Variants in C20orf96 observed in about 807,000 individuals in gnomAD.
C20orf96 encodes chromosome 20 open reading frame 96, also known as uncharacterized protein C20orf96.
In C20orf96, 57 loss-of-function variants were observed where a neutral mutation model predicts 52.6. That is an observed-to-expected ratio of 1.08 (90% CI 0.88 to 1.35). The LOEUF is 1.35. C20orf96 is among the 40% of genes most tolerant of loss of function. C20orf96 has a pLI of 0.00. For missense variants in C20orf96, 478 were observed against 443.6 expected, an observed-to-expected ratio of 1.08 and a Z score of -0.70; for synonymous variants, 168 against 157.2, an observed-to-expected ratio of 1.07 and a Z score of -0.51.
intron 10 of C20orf96, 41 bp downstream of exon 10, chr20:275,927 G>A: frequency 2.6e-6 from 4 of 1,563,598 alleles, no homozygotes; most frequent in Non-Finnish European, 3.5e-6. Flanking sequence ...TGAGCTCAGA[G>A]TGTGACTGGT....
At chr20:285,979 A>T (rs1455085300) in intron 3 of C20orf96, among the ~76,000 whole-genome samples, 1 of 152,234 alleles carries the variant, frequency 6.6e-6, no homozygotes, top group African/African-American at 2.4e-5. Context: ...ATGAAAATGA[A>T]TACGTTAAAA....
chr20:276,696 C>A, intron 9 of C20orf96, 97 bp downstream of exon 9: 2 of 1,532,932 alleles, frequency 1.3e-6, no homozygotes, highest in South Asian at 1.2e-5. Context: ...ACCTCCTGAG[C>A]GCCAGATCAG....
chr20:284,365 T>C (rs1427479119), intron 3 of C20orf96, among the ~76,000 whole-genome samples: 1 of 152,216 alleles, frequency 6.6e-6, no homozygotes, highest in Non-Finnish European at 1.5e-5. Context: ...CGCTCTCAAA[T>C]GTCCAGTCAG....
At chr20:285,773 G>A (rs986299385) in intron 3 of C20orf96, among the ~76,000 whole-genome samples, 13 of 152,204 alleles carry the variant, frequency 8.5e-5, no homozygotes, top group Admixed American at 3.9e-4. Flanking sequence ...GTAGAGATGC[G>A]GTTTTGCCAT....
intron 10 of C20orf96, among the ~76,000 whole-genome samples, 176 bp from the exon 11 acceptor site, chr20:271,443 TACACAC>T (rs71191933): frequency 0.032 from 4,368 of 134,590 alleles, 125 homozygotes; most frequent in African/African-American, 0.077. Context: ...TACACAAGCA[TACACAC>T]ACACACACAC....
chr20:290,455 G>A (rs2012511663), intron 1 of C20orf96, 136 bp downstream of exon 1: 2 of 1,532,896 alleles, frequency 1.3e-6, no homozygotes, highest in Non-Finnish European at 8.8e-7. Flanking sequence ...GGGCCAAGGA[G>A]ATGTGGGCGG....
intron 4 of C20orf96, 58 bp from the exon 5 acceptor site, chr20:279,388 C>A (rs925277193): frequency 1.9e-6 from 3 of 1,547,062 alleles, no homozygotes; most frequent in African/African-American, 1.4e-5. Flanking sequence ...CCTGAGCCCC[C>A]GAAAGCCCGT....
chr20:289,787 C>T (rs6035784), intron 2 of C20orf96, 111 bp from the exon 3 acceptor site: 469,721 of 792,542 alleles, frequency 0.59, 142,726 homozygotes, highest in African/African-American at 0.86. Flanking sequence ...GAGCCTCAAT[C>T]TTCTCATCTG....
intron 4 of C20orf96, 64 bp from the exon 5 acceptor site, chr20:279,394 C>T (rs935419711): frequency 4.0e-6 from 6 of 1,504,058 alleles, no homozygotes; most frequent in Non-Finnish European, 3.5e-6. Flanking sequence ...CCCCCGAAAG[C>T]CCGTGGACCC....
chr20:287,208 AG>A (rs2012409494), intron 3 of C20orf96, among the ~76,000 whole-genome samples: 1 of 152,228 alleles, frequency 6.6e-6, no homozygotes, highest in African/African-American at 2.4e-5. Context: ...TCGGATTACT[AG>A]GAAGTGCATG....
chr20:273,860 G>A (rs2011916118), intron 10 of C20orf96, among the ~76,000 whole-genome samples: 1 of 124,330 alleles, frequency 8.0e-6, no homozygotes, highest in Non-Finnish European at 1.6e-5. Context: ...CTGGGAGACA[G>A]AGCTAGACTC....
intron 4 of C20orf96, 36 bp from the exon 5 acceptor site, chr20:279,366 C>G (rs775078795): frequency 1.3e-6 from 2 of 1,585,510 alleles, no homozygotes; most frequent in East Asian, 4.6e-5. Flanking sequence ...GGCGGCGCTG[C>G]GCCCTGCCCG....
At chr20:289,709 T>C (rs1171323273) in intron 2 of C20orf96, 33 bp from the exon 3 acceptor site, 2 of 1,522,692 alleles carry the variant, frequency 1.3e-6, no homozygotes, top group Non-Finnish European at 1.8e-6. Flanking sequence ...CATAGCACCA[T>C]GAGTTTATAT....
chr20:274,792 T>C (rs1270045556), intron 10 of C20orf96, among the ~76,000 whole-genome samples: 5 of 151,352 alleles, frequency 3.3e-5, no homozygotes, highest in South Asian at 2.1e-4. Context: ...GTCCTAACAG[T>C]TGCTTTCTTT....
At chr20:288,174 CTTTTT>C (rs1237648367) in intron 3 of C20orf96, among the ~76,000 whole-genome samples, 1 of 66,040 alleles carries the variant, frequency 1.5e-5, no homozygotes, top group African/African-American at 6.2e-5. Flanking sequence ...TTTTCTTTTT[CTTTTT>C]TTTTTTTTTT....
intron 5 of C20orf96, 50 bp downstream of exon 5, chr20:279,114 GGGAGGGAC>G: frequency 9.3e-7 from 1 of 1,071,610 alleles, no homozygotes; most frequent in Non-Finnish European, 1.2e-6. Context: ...GAGGGAGGGA[GGGAGGGAC>G]GGAGGTTGGG....
chr20:279,154 G>A lies in C20orf96; in HGVS notation c.465+18C>T, dbSNP rs1449052976. 3 of 1,571,444 alleles carry A rather than the reference G, an allele frequency of 1.9e-6. No homozygotes were observed. The highest frequency in any genetic ancestry group is 2.3e-5 in the South Asian group (2 of 88,556). On this transcript the variant is annotated intron_variant, in intron 5 of 10. Transcript: ENST00000360321. ...TGGGACGGAGGGACGGAGGGCGGGC[G>A]GATGCCGCGGGTCTCACCGCCAGGG... is the stretch of plus-strand genomic sequence containing the variant.
In C20orf96 at chr20:277,289, G is replaced by A; in HGVS notation, c.660C>T (p.Ser220=). The A allele has an allele frequency of 6.2e-7, 1 of 1,613,964 alleles. No homozygotes were observed. ...FLSTYMDHEY[S]IKSVQISTLM... is the part of the protein sequence containing the mutation. ...GAGTGGAGATCTGGACAGACTTGAT[G>A]GAATACTCATGGTCCATGTAAGTGC... Residue 220 remains serine, a synonymous_variant, in exon 7 of 11, where the codon TCC becomes TCT. Coordinates refer to ENST00000360321, the MANE Select transcript of C20orf96 (RefSeq NM_153269.3).
At chr20:279,617 T>C (rs1219372981) in intron 4 of C20orf96, among the ~76,000 whole-genome samples, 1 of 152,108 alleles carries the variant, frequency 6.6e-6, no homozygotes, top group Non-Finnish European at 1.5e-5. Flanking sequence ...AATATATTAT[T>C]AGTGGGTAAA....
Sources: allele counts gnomAD v4.1 joint callset (sites outside exome capture counted in the v4.1 genomes callset), GRCh38; gene constraint gnomAD v4.1.1; transcripts MANE v1.5; gene names NCBI Gene and HGNC (gene_info 2026-07-23, HGNC 2026-07-21).